LUZP4: variants seen among roughly 807,000 people sequenced by gnomAD.
The protein encoded by LUZP4 is leucine zipper protein 4.
LUZP4 carries 11 observed loss-of-function variants against 8.5 expected under a neutral mutation model. The ratio of observed to expected loss-of-function variants is 1.30; its 90% CI spans 0.82 to 2.14. The LOEUF (loss-of-function observed/expected upper bound fraction) is 2.14. Among genes scored for constraint, LUZP4 ranks in the 30% most tolerant of loss-of-function variants. LUZP4 has a pLI of 0.00. For missense variants in LUZP4, 276 were observed against 229.7 expected (o/e 1.20, Z -1.30); for synonymous variants, 104 against 79.4 (o/e 1.31, Z -1.65).
At chrX:115,299,797 C>T (rs1416805450) in intron 1 of LUZP4, among the ~76,000 whole-genome samples, 1 of 111,518 alleles carries the variant, frequency 9.0e-6, no homozygotes, top group Non-Finnish European at 1.9e-5. Context: ...TGTAGCTGTG[C>T]TGGTACCTGA....
At chrX:115,290,279 G>A (rs1353818948) in intron 1 of LUZP4, among the ~76,000 whole-genome samples, 2 of 111,628 alleles carry the variant, frequency 1.8e-5, no homozygotes, top group Non-Finnish European at 3.8e-5. Flanking sequence ...TAGATTCCAG[G>A]GCCCGGAGGA....
Position 115,289,737 on chromosome X carries a change from T to G in LUZP4, c.-23T>G. 8.7e-7 allele frequency: 1 copy of G among 1,149,695 alleles called. No individual in the cohort carries two copies. Among genetic ancestry groups the G allele is most frequent in the Non-Finnish European group, 1.2e-6 (1 of 840,329 alleles). 94.7% of individuals were successfully genotyped at this position (1,149,695 alleles called of 1,213,427 possible). On this transcript the variant is annotated 5_prime_UTR_variant, in exon 1 of 4. Coordinates refer to ENST00000371920, the MANE Select transcript of LUZP4 (RefSeq NM_016383.5). ...GGTACACGCGCCCTACCTCGGAGTG[T>G]GTGGCGCCATGATGCAGGGAAGATG...
chrX:115,306,167 A>G, intron 3 of LUZP4, 38 bp from the exon 4 acceptor site: 3 of 1,166,284 alleles, frequency 2.6e-6, no homozygotes, highest in East Asian at 3.0e-5. Context: ...CATGAAGTAT[A>G]TGTTTCATTT....
In LUZP4 at chrX:115,307,108, C is replaced by A. The variant is rs1167384803; in HGVS notation, c.*304C>A. 3 of 267,989 alleles carry A rather than the reference C, an allele frequency of 1.1e-5. No homozygotes were observed. The highest frequency in any genetic ancestry group is 1.3e-5 in the Non-Finnish European group (2 of 151,066). The allele number at this position is 267,989 out of a possible 1,213,427, so 22.1% of individuals were successfully genotyped here. A position where few individuals can be genotyped will look rare whatever the true frequency, so the allele number is the denominator to read the frequency against. On this transcript the variant is annotated 3_prime_UTR_variant, in exon 4 of 4. Transcript: ENST00000371920. The stretch of plus-strand genomic sequence containing the variant: ...GAATATTTTGACTTAGTGTCCTGTC[C>A]CCCTTGGACGTTCCAACTTGACTTA...
At chrX:115,295,060 T>C (rs1230799585) in intron 1 of LUZP4, among the ~76,000 whole-genome samples, 1 of 111,819 alleles carries the variant, frequency 8.9e-6, no homozygotes. Flanking sequence ...TCACAGGCCC[T>C]TGCGGTTTAT....
intron 1 of LUZP4, among the ~76,000 whole-genome samples, chrX:115,295,163 C>T (rs1405428967): frequency 1.8e-5 from 2 of 111,718 alleles, no homozygotes; most frequent in Non-Finnish European, 3.8e-5. Context: ...GCAGCCTGGA[C>T]CTCCCAGGCT....
intron 1 of LUZP4, among the ~76,000 whole-genome samples, chrX:115,290,788 T>G (rs1192972422): frequency 1.9e-5 from 2 of 107,208 alleles, no homozygotes; most frequent in African/African-American, 3.4e-5. Context: ...TAGTTAGGGG[T>G]GTGTGTGTGT....
At chrX:115,303,201 C>A in intron 2 of LUZP4, 99 bp from the exon 3 acceptor site, 1 of 449,130 alleles carries the variant, frequency 2.2e-6, no homozygotes, top group East Asian at 4.0e-5. Flanking sequence ...TTTGCAAAAC[C>A]CAGTGCATAG....
At chrX:115,305,591 G>A (rs1740902081) in intron 3 of LUZP4, among the ~76,000 whole-genome samples, 1 of 112,014 alleles carries the variant, frequency 8.9e-6, no homozygotes, top group Admixed American at 9.5e-5. Flanking sequence ...ATTTCCATTT[G>A]GCTGATTCAC....
chrX:115,295,404 A>G (rs1384616197), intron 1 of LUZP4, among the ~76,000 whole-genome samples: 1 of 112,716 alleles, frequency 8.9e-6, no homozygotes, highest in Non-Finnish European at 1.9e-5. Flanking sequence ...TGAAGGCAAG[A>G]AAAATACACA....
chrX:115,302,391 C>T (rs1569520493), intron 2 of LUZP4, among the ~76,000 whole-genome samples: 1 of 111,850 alleles, frequency 8.9e-6, no homozygotes, highest in Non-Finnish European at 1.9e-5. Context: ...TTATTTTGTA[C>T]TTGTTTACAA....
chrX:115,290,882 A>C (rs2147397514), intron 1 of LUZP4, among the ~76,000 whole-genome samples: 1 of 111,601 alleles, frequency 9.0e-6, no homozygotes, highest in Admixed American at 9.5e-5. Flanking sequence ...CCCTGGGGTC[A>C]AGCGATCCTC....
chrX:115,303,154 C>T, intron 2 of LUZP4, 146 bp from the exon 3 acceptor site: 1 of 325,053 alleles, frequency 3.1e-6, no homozygotes, highest in Non-Finnish European at 5.6e-6. Context: ...TTCAGTGAGA[C>T]TCCCAGATGA....
At position 115,289,818 on chromosome X, in the gene LUZP4, G is replaced by A. The variant is rs1556595847; in HGVS notation, c.59G>A (p.Arg20Gln). The A allele has an allele frequency of 8.3e-7, 1 of 1,207,939 alleles. No homozygotes were observed. ...SEKVPPNHPS[R>Q]KKVNFLDMSL... is the part of the protein sequence containing the mutation. ...AAAGTGCCGCCAAATCATCCCAGTC[G>A]GAAAAAGGTTAACTTCCTAGATATG... The change falls in exon 1 of 4, where the codon CGG becomes CAG. Residue 20 changes from arginine (R) to glutamine (Q), a missense_variant. Coordinates refer to ENST00000371920, the MANE Select transcript of LUZP4 (RefSeq NM_016383.5).
chrX:115,295,886 A>T (rs2073368672), intron 1 of LUZP4, among the ~76,000 whole-genome samples: 1 of 112,268 alleles, frequency 8.9e-6, no homozygotes, highest in African/African-American at 3.2e-5. Context: ...AATATGGATT[A>T]TCCACTCTGT....
chrX:115,298,577 A>G (rs1302137004), intron 1 of LUZP4, among the ~76,000 whole-genome samples: 1 of 112,514 alleles, frequency 8.9e-6, no homozygotes, highest in African/African-American at 3.2e-5. Context: ...TTATTCTGCT[A>G]TTAAAGGACT....
intron 1 of LUZP4, among the ~76,000 whole-genome samples, chrX:115,299,397 CAG>C (rs1317581853): frequency 1.8e-5 from 2 of 111,444 alleles, no homozygotes; most frequent in Non-Finnish European, 3.8e-5. Flanking sequence ...TCCCCCAAGC[CAG>C]AGGTGTGTCC....
At chrX:115,291,079 A>G (rs1556596559) in intron 1 of LUZP4, among the ~76,000 whole-genome samples, 1 of 109,380 alleles carries the variant, frequency 9.1e-6, no homozygotes, top group Non-Finnish European at 1.9e-5. Context: ...GATTACAGGC[A>G]TAAGCCACCG....
In LUZP4 at chrX:115,306,701, T is replaced by G; in HGVS notation, c.839T>G (p.Leu280Arg). 8.3e-7 allele frequency: 1 copy of G among 1,210,956 alleles called. No homozygotes were observed. The highest frequency in any genetic ancestry group is 1.8e-5 in the South Asian group (1 of 56,874). Residue 280 changes from leucine (L) to arginine (R), a missense_variant, in exon 4 of 4, where the codon CTC (leucine) becomes CGC (arginine). Transcript: ENST00000371920. ...GATCTCATAGTCACTCAGAGAGATCTCGTGGCCACTGAGAGAGATCTCATA... is the reference window on the plus strand; with the variant it reads ...GATCTCATAGTCACTCAGAGAGATCGCGTGGCCACTGAGAGAGATCTCATA... The part of the protein sequence containing the change: ...QRDLIVTQRD[L>R]VATERDLINQ...
Sources: allele counts gnomAD v4.1 joint callset (sites outside exome capture counted in the v4.1 genomes callset), GRCh38; gene constraint gnomAD v4.1.1; transcripts MANE v1.5; gene names NCBI Gene and HGNC (gene_info 2026-07-23, HGNC 2026-07-21).